The following PARD3 variants were observed in gnomAD, a reference collection of about 807,000 sequenced individuals.
The protein encoded by PARD3 is partitioning defective 3 homolog.
In PARD3, 75 loss-of-function variants were observed where a neutral mutation model predicts 155.4. The observed-to-expected ratio is 0.48, with a 90% CI of 0.40 to 0.58. The LOEUF (loss-of-function observed/expected upper bound fraction) is 0.58, where lower values mean the gene tolerates loss of function less well. Ranked by LOEUF, PARD3 falls within the 20% of genes least tolerant of loss-of-function variation. The pLI is 0.00. For synonymous variants in PARD3, 576 were observed against 610.5 expected, an observed-to-expected ratio of 0.94 and a Z score of 0.83; for missense variants, 1,642 against 1,721.7, an observed-to-expected ratio of 0.95 and a Z score of 0.82.
chr10:34,733,793 C>T (rs559293187), intron 1 of PARD3, among the ~76,000 whole-genome samples: 2 of 152,340 alleles, frequency 1.3e-5, no homozygotes, highest in Non-Finnish European at 2.9e-5. Flanking sequence ...AGCCACCGCA[C>T]CCTGCCATGG....
intron 16 of PARD3, among the ~76,000 whole-genome samples, chr10:34,338,739 T>TA (rs1425818210): frequency 1.3e-5 from 2 of 152,222 alleles, no homozygotes; most frequent in African/African-American, 4.8e-5. Context: ...AAAAGTAAGA[T>TA]AGCAGGCAAA....
chr10:34,764,802 T>A (rs1419273740), intron 1 of PARD3, among the ~76,000 whole-genome samples: 1 of 152,206 alleles, frequency 6.6e-6, no homozygotes, highest in Non-Finnish European at 1.5e-5. Flanking sequence ...CTGAACCACC[T>A]TTTCTGAGAC....
intron 2 of PARD3, among the ~76,000 whole-genome samples, chr10:34,520,374 A>C (rs952373019): frequency 6.6e-6 from 1 of 152,180 alleles, no homozygotes; most frequent in Non-Finnish European, 1.5e-5. Context: ...TAGGATGAAT[A>C]ATTGGGCCAC....
intron 2 of PARD3, among the ~76,000 whole-genome samples, chr10:34,616,432 A>G (rs2091261610): frequency 6.6e-6 from 1 of 152,232 alleles, no homozygotes; most frequent in African/African-American, 2.4e-5. Context: ...CTGCGTTCCC[A>G]TGTTCACTGC....
At chr10:34,594,804 G>A (rs1293850257) in intron 2 of PARD3, among the ~76,000 whole-genome samples, 2 of 151,826 alleles carry the variant, frequency 1.3e-5, no homozygotes, top group Non-Finnish European at 2.9e-5. Flanking sequence ...CTCCAGGCTG[G>A]GCAAAAGTGT....
intron 20 of PARD3, among the ~76,000 whole-genome samples, chr10:34,306,131 G>A (rs1196025928): frequency 6.6e-6 from 1 of 151,010 alleles, no homozygotes; most frequent in East Asian, 2.0e-4. Context: ...CCATCTCTAC[G>A]AAATTAGGTG....
chr10:34,806,444 C>T (rs1410647910), intron 1 of PARD3, among the ~76,000 whole-genome samples: 5 of 152,116 alleles, frequency 3.3e-5, no homozygotes, highest in Admixed American at 2.6e-4. Flanking sequence ...CCACCTCGGC[C>T]TCCCAAAGTA....
At chr10:34,657,148 C>T (rs990420573) in intron 2 of PARD3, among the ~76,000 whole-genome samples, 9 of 151,860 alleles carry the variant, frequency 5.9e-5, no homozygotes, top group African/African-American at 2.2e-4. Flanking sequence ...GGCTCATGTC[C>T]GTAATTCCAG....
At chr10:34,805,457 GA>G (rs1843249380) in intron 1 of PARD3, among the ~76,000 whole-genome samples, 1 of 151,594 alleles carries the variant, frequency 6.6e-6, no homozygotes, top group Non-Finnish European at 1.5e-5. Context: ...CCAAGATTGG[GA>G]GAATGTTGAC....
At chr10:34,504,577 CT>C (rs1184754407) in intron 3 of PARD3, among the ~76,000 whole-genome samples, 1 of 152,116 alleles carries the variant, frequency 6.6e-6, no homozygotes, top group Non-Finnish European at 1.5e-5. Context: ...ATTTAGACTT[CT>C]TTTTTTCCTT....
chr10:34,413,124 G>A (rs1845260577), intron 5 of PARD3, among the ~76,000 whole-genome samples: 1 of 135,030 alleles, frequency 7.4e-6, no homozygotes, highest in African/African-American at 3.2e-5. Context: ...AAAAACATTA[G>A]GCAGTACTTC....
At chr10:34,665,971 C>T (rs924223419) in intron 2 of PARD3, among the ~76,000 whole-genome samples, 5 of 151,112 alleles carry the variant, frequency 3.3e-5, no homozygotes, top group Non-Finnish European at 5.9e-5. Flanking sequence ...TCTAGCACCA[C>T]GGGAGGCCAA....
intron 2 of PARD3, among the ~76,000 whole-genome samples, chr10:34,550,655 C>G (rs1309420733): frequency 6.6e-6 from 1 of 152,158 alleles, no homozygotes. Flanking sequence ...TGTTCCCCTC[C>G]TCAGGGCTCA....
At chr10:34,695,319 A>T (rs1350418954) in intron 2 of PARD3, among the ~76,000 whole-genome samples, 3 of 152,064 alleles carry the variant, frequency 2.0e-5, no homozygotes, top group African/African-American at 7.2e-5. Context: ...TACTAAAAAT[A>T]CAAAAATTAG....
intron 2 of PARD3, among the ~76,000 whole-genome samples, chr10:34,694,467 CTGCTTT>C (rs2094128221): frequency 7.7e-6 from 1 of 129,548 alleles, no homozygotes; most frequent in African/African-American, 2.9e-5. Context: ...CAGAAAACTT[CTGCTTT>C]TTTTTTTTTT....
chr10:34,391,147 C>T (rs1842834610), intron 7 of PARD3, among the ~76,000 whole-genome samples: 1 of 152,076 alleles, frequency 6.6e-6, no homozygotes, highest in South Asian at 2.1e-4. Context: ...TTAACCCACC[C>T]AAACATCTCA....
chr10:34,232,998 G>A (rs979406482), intron 22 of PARD3, among the ~76,000 whole-genome samples: 3 of 146,108 alleles, frequency 2.1e-5, no homozygotes, highest in East Asian at 3.9e-4. Flanking sequence ...CACCGTGCCC[G>A]GCCCATCCTC....
intron 21 of PARD3, among the ~76,000 whole-genome samples, chr10:34,282,220 A>G (rs1318117433): frequency 6.6e-6 from 1 of 152,084 alleles, no homozygotes; most frequent in African/African-American, 2.4e-5. Flanking sequence ...TGAAATACAA[A>G]GTCAAAGTAT....
intron 22 of PARD3, among the ~76,000 whole-genome samples, chr10:34,258,602 G>C: frequency 6.6e-6 from 1 of 152,188 alleles, no homozygotes; most frequent in East Asian, 1.9e-4. Flanking sequence ...GGCTTATAAA[G>C]AGAGAACTGG....
Sources: gnomAD v4.1 joint callset for allele counts (sites outside exome capture counted in the v4.1 genomes callset) on GRCh38, gnomAD v4.1.1 for gene constraint, MANE v1.5 for transcripts, NCBI Gene and HGNC (gene_info 2026-07-23, HGNC 2026-07-21) for gene names.